ZNF395: variants seen among roughly 807,000 people sequenced by gnomAD.
ZNF395 encodes the protein HD gene regulatory region-binding protein 2.
A neutral mutation model predicts 57.7 loss-of-function variants in ZNF395; 20 were observed. That is an observed-to-expected ratio of 0.35 (90% confidence interval 0.24 to 0.50). ZNF395 has a LOEUF of 0.50. Among genes scored for constraint, ZNF395 ranks in the 20% least tolerant of loss-of-function variants. The pLI, the probability that ZNF395 is intolerant of heterozygous loss-of-function variation, is 0.97. For missense variants in ZNF395, 606 were observed against 671.2 expected (o/e 0.90, Z 1.07); for synonymous variants, 295 against 275.9 (o/e 1.07, Z -0.69).
chr8:28,351,076 A>C (rs1801675688), intron 7 of ZNF395, among the ~76,000 whole-genome samples: 1 of 144,984 alleles, frequency 6.9e-6, no homozygotes. Flanking sequence ...TCAACCTGAA[A>C]GTCTTACTTA....
At chr8:28,371,299 A>C (rs927393886) in intron 1 of ZNF395, among the ~76,000 whole-genome samples, 1 of 151,886 alleles carries the variant, frequency 6.6e-6, no homozygotes, top group African/African-American at 2.4e-5. Context: ...TGCCACCTCA[A>C]CCTCCCAAAT....
chr8:28,357,277 C>G (rs750034165), intron 3 of ZNF395, among the ~76,000 whole-genome samples: 7 of 152,064 alleles, frequency 4.6e-5, no homozygotes, highest in South Asian at 4.2e-4. Context: ...CTTCTCCCAC[C>G]CCTCCCCCAA....
Position 28,359,384 on chromosome 8 carries a change from A to T in ZNF395, c.473+208T>A, listed in dbSNP as rs1483568683. Among the ~76,000 whole-genome samples the T allele has an allele frequency of 1.3e-5, 2 of 152,200 alleles. No individual in the cohort carries two copies. Among genetic ancestry groups the T allele is most frequent in the African/African-American group, 4.8e-5 (2 of 41,452 alleles). The stretch of plus-strand genomic sequence containing the variant: ...GCCACTGAACTCCAGCCTAGGTGAG[A>T]GAGTGAGACTCCGTCTCAAAAAAAG... On this transcript the variant is annotated intron_variant, in intron 3 of 9. Coordinates refer to ENST00000344423, the MANE Select transcript of ZNF395 (RefSeq NM_018660.3). This position sits in a 1 kb window ranked among gnomAD's most constrained non-coding sequence, Gnocchi z 4.7.
rs1372895192 is a variant in ZNF395 at position 28,351,607 on chromosome 8, G to A, written c.1121C>T (p.Ala374Val). 7 of 1,613,686 alleles carry A rather than the reference G, an allele frequency of 4.3e-6. No homozygotes were observed. Among genetic ancestry groups the A allele is most frequent in the African/African-American group, 1.3e-5 (1 of 75,054 alleles). The change falls in exon 7 of 10, where the codon GCC becomes GTC. Residue 374 changes from alanine to valine, a missense_variant. By Grantham distance (64) the Ala-to-Val change is moderately conservative. Around this residue, in one of 3 missense-constraint regions of ZNF395, gnomAD observed 261 missense variants for 240.3 expected, o/e 1.09. Coordinates refer to ENST00000344423, the MANE Select transcript of ZNF395 (RefSeq NM_018660.3). ...AGGATGTTCTGGGCCGGAGGACTGG[G>A]CTTTGTGCAGAGGTGGTGGAAGAGC... ...LSALPPPLHK[A>V]QSSGPEHPGP...
chr8:28,354,946 T>G lies in ZNF395; in HGVS notation c.584-1538A>C, dbSNP rs564730559. 3.3e-5 allele frequency among the ~76,000 whole-genome samples: 5 copies of G among 151,636 alleles called. No individual in the cohort carries two copies. The South Asian group carries it at 1.0e-3, about 32-fold the overall frequency. On this transcript the variant is annotated intron_variant, in intron 4 of 9. Transcript: ENST00000344423. Reference sequence around the variant, plus strand: ...CTACAAATGCGGTAGCCCTTCCCTATAGGAACCACTCACAATGGCTCAAAT... The same window carrying G: ...CTACAAATGCGGTAGCCCTTCCCTAGAGGAACCACTCACAATGGCTCAAAT...
rs781135576 is a variant in ZNF395, at chr8:28,359,612, C to T, written c.453G>A (p.Arg151=). 1 of 1,603,482 alleles carries T rather than the reference C, an allele frequency of 6.2e-7. No individual in the cohort carries two copies. The highest frequency in any genetic ancestry group is 1.1e-5 in the South Asian group (1 of 90,396). The part of the protein sequence containing the change: ...AQALAYRPVS[R]NIDVPKRKSD... ...CAAACCTCTTTGGGACATCGATGTT[C>T]CTGGAGACGGGCCTGTAGGCCAGGG... The change falls in exon 3 of 10, where the codon AGG becomes AGA. Residue 151 remains arginine, a synonymous_variant. Transcript: ENST00000344423. The surrounding 1 kb of genome is among the most constrained non-coding windows in gnomAD (Gnocchi z 4.7).
At chr8:28,350,191 CT>C in intron 7 of ZNF395, 35 bp from the exon 8 acceptor site, 1 of 1,558,088 alleles carries the variant, frequency 6.4e-7, no homozygotes, top group Non-Finnish European at 8.7e-7. Context: ...CGGATTCTAG[CT>C]CAGGAAGTGT....
rs1801594250 is a variant in ZNF395, at chr8:28,345,894, C to T, written c.*2825G>A. 1 of 152,138 alleles carries T rather than the reference C, an allele frequency of 6.6e-6. No individual in the cohort carries two copies. The highest frequency in any genetic ancestry group is 1.5e-5 in the Non-Finnish European group (1 of 68,012). 9.4% of individuals were successfully genotyped at this position (152,138 alleles called of 1,614,324 possible). ...TCTCCAAGGAGTCAAGCTATAGACT[C>T]ACAATGACAACGTGGCCATGGCTCA... On this transcript the variant is annotated 3_prime_UTR_variant, in exon 10 of 10. Transcript: ENST00000344423.
intron 1 of ZNF395, among the ~76,000 whole-genome samples, chr8:28,371,237 G>A (rs1360005725): frequency 6.6e-6 from 1 of 152,244 alleles, no homozygotes; most frequent in Non-Finnish European, 1.5e-5. Context: ...CTGGAGTGCA[G>A]TCGCACGATC....
At chr8:28,348,938 CA>C in intron 9 of ZNF395, 108 bp from the exon 10 acceptor site, 1 of 1,275,646 alleles carries the variant, frequency 7.8e-7, no homozygotes, top group Non-Finnish European at 1.1e-6. Flanking sequence ...CAGCTCCCGG[CA>C]AAAGTCACCA....
intron 5 of ZNF395, 111 bp downstream of exon 5, chr8:28,353,062 A>G: frequency 1.0e-6 from 1 of 971,874 alleles, no homozygotes; most frequent in Non-Finnish European, 1.6e-6. Context: ...AATGGGAGTG[A>G]ACCCAAGACT....
chr8:28,386,348 C>CCCCGCA (rs1168063864), intron 1 of ZNF395, 45 bp downstream of exon 1: 1 of 148,606 alleles, frequency 6.7e-6, no homozygotes. Context: ...GCCTCCGCGC[C>CCCCGCA]CCCGCACCCG....
At chr8:28,362,372 C>G (rs1180502958) in intron 1 of ZNF395, among the ~76,000 whole-genome samples, 8 of 152,204 alleles carry the variant, frequency 5.3e-5, no homozygotes, top group Admixed American at 2.0e-4. Context: ...AGTTCCTAAT[C>G]TCTGCTGTTC....
At chr8:28,370,225 G>C (rs907526521) in intron 1 of ZNF395, among the ~76,000 whole-genome samples, 1 of 152,088 alleles carries the variant, frequency 6.6e-6, no homozygotes, top group African/African-American at 2.4e-5. Context: ...AATCCACTGA[G>C]TGACTGGAGG....
intron 1 of ZNF395, among the ~76,000 whole-genome samples, chr8:28,384,368 C>G (rs1249848153): frequency 6.6e-6 from 1 of 152,186 alleles, no homozygotes; most frequent in Non-Finnish European, 1.5e-5. Context: ...CATGTTCATT[C>G]CCACCTCACA....
At chr8:28,353,706 G>A (rs552910444) in intron 4 of ZNF395, among the ~76,000 whole-genome samples, 9 of 151,970 alleles carry the variant, frequency 5.9e-5, no homozygotes, top group South Asian at 2.1e-4. Context: ...TGCCCAGGCC[G>A]GTCTCAAACT....
chr8:28,351,474 C>T, intron 7 of ZNF395, 21 bp downstream of exon 7: 3 of 1,563,412 alleles, frequency 1.9e-6, no homozygotes, highest in Non-Finnish European at 2.6e-6. Context: ...GCCTGAGCCT[C>T]CAGCGAGCCC....
chr8:28,383,793 T>C (rs1384497116), intron 1 of ZNF395, among the ~76,000 whole-genome samples: 24 of 152,032 alleles, frequency 1.6e-4, no homozygotes, highest in Non-Finnish European at 8.8e-5. Flanking sequence ...CTGTCCCCCC[T>C]GGGCTCCCCC....
chr8:28,370,322 A>G (rs1465529122), intron 1 of ZNF395, among the ~76,000 whole-genome samples: 1 of 152,242 alleles, frequency 6.6e-6, no homozygotes, highest in African/African-American at 2.4e-5. Context: ...ATTTAAATAC[A>G]TAGTGGAAAA....
Sources: allele counts gnomAD v4.1 joint callset (sites outside exome capture counted in the v4.1 genomes callset), GRCh38; gene constraint gnomAD v4.1.1; regional missense constraint gnomAD v4.1.1; non-coding constraint Gnocchi (gnomAD v3.1); transcripts MANE v1.5; gene names NCBI Gene and HGNC (gene_info 2026-07-23, HGNC 2026-07-21).